TMEM182: variants seen among roughly 807,000 people sequenced by gnomAD.
TMEM182 encodes transmembrane protein 182.
A neutral mutation model predicts 26.8 loss-of-function variants in TMEM182; 20 were observed. That is an observed-to-expected ratio of 0.75 (90% confidence interval 0.53 to 1.09). The LOEUF is 1.09. TMEM182 is among the 50% of genes least tolerant of loss of function. The pLI is 0.00. For synonymous variants in TMEM182, 109 were observed against 102.2 expected (o/e 1.07, Z -0.40); for missense variants, 277 against 275.5 (o/e 1.01, Z -0.04).
Position 102,736,954 on chromosome 2 carries a change from C to T in TMEM182, c.-142C>T, listed in dbSNP as rs545454711. 71 of 1,024,454 alleles carry T rather than the reference C, an allele frequency of 6.9e-5. No individual in the cohort carries two copies. In the African/African-American group the frequency reaches 9.5e-4, roughly 14 times the overall value. 63.5% of individuals were successfully genotyped at this position (1,024,454 alleles called of 1,614,324 possible). On this transcript the variant is annotated 5_prime_UTR_variant, in exon 1 of 6. Coordinates refer to the TMEM182 transcript ENST00000409173. ...CCTGGCAGCTCCGCGGGTGCGTGGC[C>T]GGTGCTGGCTGGGAGTTCTGGTCTC...
intron 3 of TMEM182, among the ~76,000 whole-genome samples, chr2:102,768,749 C>A (rs1355231076): frequency 6.6e-6 from 1 of 151,928 alleles, no homozygotes; most frequent in Non-Finnish European, 1.5e-5. Context: ...TGGTCTTCCA[C>A]ATTGTTTTCG....
rs957089575 is a variant in TMEM182, at chr2:102,762,405, G to A, written c.132+56G>A. 1.6e-4 allele frequency: 262 copies of A among 1,604,200 alleles called. 2 individuals are homozygous for A. Among genetic ancestry groups the A allele is most frequent in the Middle Eastern group, 3.3e-4 (2 of 6,026 alleles). On this transcript the variant is annotated intron_variant, in intron 1 of 4. Coordinates refer to ENST00000412401, the MANE Select transcript of TMEM182 (RefSeq NM_144632.5). ...ATGGTAGTTATGAAGATACCCTTATGTATGCTCTTGAAATCAGAGAATAGT... is the reference window on the plus strand; with the variant it reads ...ATGGTAGTTATGAAGATACCCTTATATATGCTCTTGAAATCAGAGAATAGT...
downstream of TMEM182, among the ~76,000 whole-genome samples, chr2:102,818,185 A>C (rs2104764318): frequency 6.6e-6 from 1 of 152,342 alleles, no homozygotes; most frequent in South Asian, 2.1e-4. Context: ...GTGGAAACTC[A>C]TAAACAAGAG....
At chr2:102,810,440 A>C (rs561210693) in intron 4 of TMEM182, among the ~76,000 whole-genome samples, 1 of 152,280 alleles carries the variant, frequency 6.6e-6, no homozygotes, top group South Asian at 2.1e-4. Flanking sequence ...CAGCAATTGC[A>C]TTCCCAATGG....
chr2:102,795,567 C>T (rs1298034744), intron 3 of TMEM182, among the ~76,000 whole-genome samples: 2 of 152,092 alleles, frequency 1.3e-5, no homozygotes, highest in Non-Finnish European at 2.9e-5. Context: ...CACCCTGGGG[C>T]GCACACCACT....
At chr2:102,762,800 T>C in intron 2 of TMEM182, 114 bp downstream of exon 2, 1 of 755,118 alleles carries the variant, frequency 1.3e-6, no homozygotes, top group Middle Eastern at 2.7e-4. Flanking sequence ...AAATCTCAAT[T>C]AGATGTCTTT....
intron 1 of TMEM182, among the ~76,000 whole-genome samples, chr2:102,751,631 C>T (rs567188672): frequency 2.5e-4 from 38 of 152,234 alleles, no homozygotes; most frequent in Non-Finnish European, 4.0e-4. Flanking sequence ...GACTTTCCTA[C>T]CCTCACTATC....
chr2:102,837,613 G>A (rs188107387), intron 3 of TMEM182, among the ~76,000 whole-genome samples: 1 of 152,298 alleles, frequency 6.6e-6, no homozygotes, highest in East Asian at 1.9e-4. Flanking sequence ...TGCGTGAAAT[G>A]TGGTTAATAA....
intron 3 of TMEM182, among the ~76,000 whole-genome samples, chr2:102,841,518 C>G (rs1172500140): frequency 6.6e-6 from 1 of 152,150 alleles, no homozygotes; most frequent in Non-Finnish European, 1.5e-5. Flanking sequence ...GTTCTTGAAC[C>G]AAAACTGCAG....
chr2:102,799,926 A>T (rs978204831), intron 4 of TMEM182, among the ~76,000 whole-genome samples: 2 of 152,110 alleles, frequency 1.3e-5, no homozygotes, highest in Non-Finnish European at 2.9e-5. Flanking sequence ...GCAGGAGGGC[A>T]GGAGAAGGTC....
rs956711826 is a variant in TMEM182, at chr2:102,777,070, A to T, written c.331+12643A>T. Among the ~76,000 whole-genome samples the T allele has an allele frequency of 3.1e-4, 23 of 73,378 alleles. 1 individual carries two copies. In the East Asian group the frequency reaches 3.5e-3, roughly 11 times the overall value. 48.1% of individuals were successfully genotyped at this position (73,378 alleles called of 152,430 possible). Reference sequence around the variant, plus strand: ...GTCCTTTATTGGATACATGTTTTTAAAAAAAAAATTATCCCAGTTTGTGGC... The same window carrying T: ...GTCCTTTATTGGATACATGTTTTTATAAAAAAAATTATCCCAGTTTGTGGC... On this transcript the variant is annotated intron_variant, in intron 3 of 4. Coordinates refer to ENST00000412401, the MANE Select transcript of TMEM182 (RefSeq NM_144632.5).
intron 3 of TMEM182, among the ~76,000 whole-genome samples, chr2:102,788,241 T>C (rs1217914821): frequency 6.6e-6 from 1 of 151,968 alleles, no homozygotes; most frequent in Admixed American, 6.6e-5. Context: ...CCCTTAGGGG[T>C]CCTCATTCAG....
At chr2:102,813,865 T>G (rs1682642490) in intron 4 of TMEM182, among the ~76,000 whole-genome samples, 1 of 152,176 alleles carries the variant, frequency 6.6e-6, no homozygotes, top group African/African-American at 2.4e-5. Flanking sequence ...GCCCTCTAGT[T>G]AGTGGTTAGG....
In TMEM182 at chr2:102,817,532, C is replaced by G. The variant is rs1477516415; in HGVS notation, c.*2564C>G. 11 of 985,186 alleles carry G rather than the reference C, an allele frequency of 1.1e-5. No homozygotes were observed. Among genetic ancestry groups the G allele is most frequent in the Non-Finnish European group, 1.3e-5 (11 of 829,880 alleles). 61.0% of individuals were successfully genotyped at this position (985,186 alleles called of 1,614,324 possible). ...CACAGAGAAGTTTAATGATCGTGTA[C>G]AATTTGAGGGTTGATGGTAGGGCTT... On this transcript the variant is annotated 3_prime_UTR_variant, in exon 5 of 5. Coordinates refer to ENST00000412401, the MANE Select transcript of TMEM182 (RefSeq NM_144632.5).
intron 1 of TMEM182, among the ~76,000 whole-genome samples, chr2:102,742,528 T>A (rs2104628260): frequency 6.6e-6 from 1 of 152,180 alleles, no homozygotes; most frequent in African/African-American, 2.4e-5. Context: ...TGGACTAGAA[T>A]TTTCCAAATT....
intron 4 of TMEM182, among the ~76,000 whole-genome samples, chr2:102,809,358 C>A (rs578047040): frequency 3.9e-5 from 6 of 152,234 alleles, no homozygotes; most frequent in African/African-American, 1.4e-4. Flanking sequence ...TATCAAATTT[C>A]TTTTTTGTTC....
At position 102,762,042 on chromosome 2, in the gene TMEM182, T is replaced by C; in HGVS notation, c.-176T>C. On this transcript the variant is annotated 5_prime_UTR_variant, in exon 1 of 5. Coordinates refer to ENST00000412401, the MANE Select transcript of TMEM182 (RefSeq NM_144632.5). ...AGCAAAGGGAATATGAATCTGCCGG[T>C]GGGGCGTGAGCGAGAAGCCACCAAA... 1.9e-6 allele frequency: 1 copy of C among 531,226 alleles called. No individual in the cohort carries two copies. The highest frequency in any genetic ancestry group is 3.3e-5 in the Admixed American group (1 of 29,888). 32.9% of individuals were successfully genotyped at this position (531,226 alleles called of 1,614,324 possible). A position where few individuals can be genotyped will look rare whatever the true frequency, so the allele number is the denominator to read the frequency against.
intron 3 of TMEM182, among the ~76,000 whole-genome samples, chr2:102,830,156 CT>C (rs1236310001): frequency 6.6e-6 from 1 of 152,212 alleles, no homozygotes; most frequent in Non-Finnish European, 1.5e-5. Context: ...ACAGAGATGT[CT>C]TACTGCTTTT....
At position 102,817,087 on chromosome 2, in the gene TMEM182, A is replaced by T. The variant is rs1440956030; in HGVS notation, c.*2119A>T. On this transcript the variant is annotated 3_prime_UTR_variant, in exon 5 of 5. Transcript: ENST00000412401. ...TTCAAGCACATTTCTTGATCAATTT[A>T]CCAGCAACCCTCTGAAGGAATGAAG... 1 of 985,360 alleles carries T rather than the reference A, an allele frequency of 1.0e-6. No individual in the cohort carries two copies. The highest frequency in any genetic ancestry group is 1.1e-4 in the East Asian group (1 of 8,828). 61.0% of individuals were successfully genotyped at this position (985,360 alleles called of 1,614,324 possible).
Sources: allele counts gnomAD v4.1 joint callset (sites outside exome capture counted in the v4.1 genomes callset), GRCh38; gene constraint gnomAD v4.1.1; transcripts MANE v1.5; gene names NCBI Gene and HGNC (gene_info 2026-07-23, HGNC 2026-07-21).